The following PRIM2 variants were observed in gnomAD, a reference collection of about 807,000 sequenced individuals.
The protein encoded by PRIM2 is DNA primase subunit 2, also known as DNA primase large subunit.
A neutral mutation model predicts 67.3 loss-of-function variants in PRIM2; 39 were observed. That is an observed-to-expected ratio of 0.58 (90% CI 0.45 to 0.76). PRIM2 has a LOEUF of 0.76. Among genes scored for constraint, PRIM2 ranks in the 30% least tolerant of loss-of-function variants. The pLI is 0.00. For missense variants in PRIM2, 398 were observed against 598.7 expected (o/e 0.66, Z 3.50); for synonymous variants, 143 against 198.7 (o/e 0.72, Z 2.36).
chr6:57,323,698 C>T (rs543984164), intron 3 of PRIM2, among the ~76,000 whole-genome samples: 1 of 151,482 alleles, frequency 6.6e-6, no homozygotes, highest in African/African-American at 2.4e-5. Context: ...ACCTAGATGA[C>T]GGGCAGCAAA....
intron 10 of PRIM2, among the ~76,000 whole-genome samples, chr6:57,557,705 A>G (rs1378043155): frequency 4.6e-5 from 7 of 151,884 alleles, no homozygotes; most frequent in Non-Finnish European, 8.8e-5. Flanking sequence ...ATATCTATAC[A>G]CCAAACTGCT....
At chr6:57,599,040 G>A (rs1238817501) in intron 10 of PRIM2, among the ~76,000 whole-genome samples, 2 of 58,724 alleles carry the variant, frequency 3.4e-5, no homozygotes, top group Non-Finnish European at 6.3e-5. Flanking sequence ...TCCGCCTCCC[G>A]GGTTCACGCC....
Position 57,362,765 on chromosome 6 carries a change from T to C in PRIM2, c.460-17136T>C, listed in dbSNP as rs536869324. Among the ~76,000 whole-genome samples, 213 of 152,252 alleles carry C rather than the reference T, an allele frequency of 1.4e-3. 1 individual carries two copies. Among genetic ancestry groups the C allele is most frequent in the African/African-American group, 4.9e-3 (203 of 41,562 alleles). ...CTTTAATTGTGCACCAAAAGGTTATTGCAGAAGATAACATAAAGGAGATGT... is the reference window on the plus strand; with the variant it reads ...CTTTAATTGTGCACCAAAAGGTTATCGCAGAAGATAACATAAAGGAGATGT... On this transcript the variant is annotated intron_variant, in intron 5 of 13. Coordinates refer to ENST00000615550, the MANE Select transcript of PRIM2 (RefSeq NM_000947.5).
intron 7 of PRIM2, among the ~76,000 whole-genome samples, chr6:57,408,881 G>A (rs1770990419): frequency 6.6e-6 from 1 of 151,994 alleles, no homozygotes; most frequent in African/African-American, 2.4e-5. Flanking sequence ...TGGCTAATTT[G>A]TAAAATTTTT....
chr6:57,537,513 A>G lies in PRIM2; in HGVS notation c.908A>G (p.His303Arg). 1.3e-6 allele frequency: 2 copies of G among 1,573,360 alleles called. No individual in the cohort carries two copies. The highest frequency in any genetic ancestry group is 8.7e-7 in the Non-Finnish European group (1 of 1,146,756). The change falls in exon 10 of 14, where the codon CAT (histidine) becomes CGT (arginine). Residue 303 changes from histidine to arginine, a missense_variant. By Grantham distance (29) the His-to-Arg change is conservative. Around this residue, in one of 4 missense-constraint regions of PRIM2, gnomAD observed 229 missense variants for 383.6 expected, o/e 0.60. Transcript: ENST00000615550. ...TTGCGGGAAAATCACCATCTTCGTC[A>G]TGGAGGCCGAATGCAGTATGGCCTA... ...KALRENHHLR[H>R]GGRMQYGLFL...
In PRIM2 at chr6:57,563,418, T is replaced by C. The variant is rs1355832483; in HGVS notation, c.1020+25793T>C. On this transcript the variant is annotated intron_variant, in intron 10 of 13. Transcript: ENST00000615550. ...TAGTAGAGATTTCCAGTTGAGTTAG[T>C]GTCAGAAAAAGCAGCATTCTGTCTT... Among the ~76,000 whole-genome samples, 13 of 151,958 alleles carry C rather than the reference T, an allele frequency of 8.6e-5. No individual in the cohort carries two copies. The South Asian group carries it at 1.5e-3, about 17-fold the overall frequency.
chr6:57,418,383 G>GGTTT (rs1554336216), intron 7 of PRIM2, among the ~76,000 whole-genome samples: 482 of 47,222 alleles, frequency 0.01, 87 homozygotes, highest in Middle Eastern at 0.029. Context: ...TATGTGTGTG[G>GGTTT]TTTTTTTTTT....
the PRIM2 span, among the ~76,000 whole-genome samples, chr6:57,247,146 G>A: frequency 2.5e-4 from 38 of 152,290 alleles, no homozygotes; most frequent in Admixed American, 2.0e-3. Context: ...GAGCCACACC[G>A]CGCCCGGCCT....
intron 12 of PRIM2, among the ~76,000 whole-genome samples, chr6:57,621,426 C>G (rs1337754466): frequency 6.6e-6 from 1 of 152,166 alleles, no homozygotes. Flanking sequence ...GGGACACATT[C>G]AGACCACAGT....
chr6:57,555,573 C>A (rs1775498897), intron 10 of PRIM2, among the ~76,000 whole-genome samples: 1 of 152,220 alleles, frequency 6.6e-6, no homozygotes, highest in African/African-American at 2.4e-5. Flanking sequence ...AGCCACCGTG[C>A]CTGGCCTACC....
chr6:57,499,078 A>G lies in PRIM2; in HGVS notation c.694-8309A>G, dbSNP rs1774071864. Among the ~76,000 whole-genome samples, 3 of 152,298 alleles carry G rather than the reference A, an allele frequency of 2.0e-5. No individual in the cohort carries two copies. The South Asian group carries it at 6.2e-4, about 32-fold the overall frequency. ...GCTTCATAGCTGGAGGCAGAGGAAC[A>G]TTTTTTCACAAAGTGAAATTCATTT... On this transcript the variant is annotated intron_variant, in intron 7 of 13. Coordinates refer to ENST00000615550, the MANE Select transcript of PRIM2 (RefSeq NM_000947.5).
intron 7 of PRIM2, among the ~76,000 whole-genome samples, chr6:57,419,051 G>A (rs1581887753): frequency 6.6e-6 from 1 of 152,304 alleles, no homozygotes; most frequent in East Asian, 1.9e-4. Flanking sequence ...TATTTGATGT[G>A]AATTTTATAT....
At chr6:57,397,703 G>C (rs902940749) in intron 7 of PRIM2, among the ~76,000 whole-genome samples, 4 of 151,754 alleles carry the variant, frequency 2.6e-5, no homozygotes, top group Admixed American at 6.6e-5. Context: ...ATCCATTGCT[G>C]GTGAACTAGT....
chr6:57,597,278 C>T (rs1336282584), intron 10 of PRIM2, among the ~76,000 whole-genome samples: 1 of 151,782 alleles, frequency 6.6e-6, no homozygotes, highest in East Asian at 1.9e-4. Context: ...ACATTTGAGC[C>T]AGTTTGTATG....
intron 8 of PRIM2, among the ~76,000 whole-genome samples, chr6:57,521,023 A>AG (rs1774608756): frequency 6.6e-6 from 1 of 152,232 alleles, no homozygotes; most frequent in Non-Finnish European, 1.5e-5. Context: ...TTTTTAAAAA[A>AG]TAAAGTTGAA....
At chr6:57,260,894 C>T in the PRIM2 span, among the ~76,000 whole-genome samples, 2 of 152,116 alleles carry the variant, frequency 1.3e-5, no homozygotes, top group East Asian at 1.9e-4. Flanking sequence ...CAGAATATTG[C>T]GGATATGACT....
At chr6:57,534,583 T>C (rs1427327145) in intron 9 of PRIM2, among the ~76,000 whole-genome samples, 115 of 152,322 alleles carry the variant, frequency 7.5e-4, no homozygotes, top group African/African-American at 2.8e-3. Context: ...CATATAGTCT[T>C]TTCACTACAT....
At chr6:57,316,596 G>A (rs925240210), upstream of PRIM2, among the ~76,000 whole-genome samples, 6 of 152,236 alleles carry the variant, frequency 3.9e-5, no homozygotes, top group Admixed American at 1.3e-4. Flanking sequence ...TTCTAAAAAC[G>A]TGAACATTTC....
chr6:57,522,779 A>G (rs1334646426), intron 8 of PRIM2, among the ~76,000 whole-genome samples: 1 of 152,228 alleles, frequency 6.6e-6, no homozygotes, highest in African/African-American at 2.4e-5. Flanking sequence ...AGTTTAAGCT[A>G]CATTTCAAGT....
Sources: allele counts gnomAD v4.1 joint callset (sites outside exome capture counted in the v4.1 genomes callset), GRCh38; gene constraint gnomAD v4.1.1; regional missense constraint gnomAD v4.1.1; transcripts MANE v1.5; gene names NCBI Gene and HGNC (gene_info 2026-07-23, HGNC 2026-07-21).